Variants in CNOT6L observed in about 807,000 individuals in gnomAD.
CNOT6L encodes the protein CCR4-NOT transcription complex subunit 6 like.
In CNOT6L, 7 loss-of-function variants were observed where a neutral mutation model predicts 64.0. That is an observed-to-expected ratio of 0.11 (90% CI 0.06 to 0.21). The LOEUF (loss-of-function observed/expected upper bound fraction) is 0.21, where lower values mean the gene tolerates loss of function less well. Ranked by LOEUF, CNOT6L falls within the 10% of genes least tolerant of loss-of-function variation. The pLI is 1.00. For missense variants in CNOT6L, 245 were observed against 669.0 expected, an observed-to-expected ratio of 0.37 and a Z score of 6.99; for synonymous variants, 193 against 243.4, an observed-to-expected ratio of 0.79 and a Z score of 1.93.
intron 1 of CNOT6L, among the ~76,000 whole-genome samples, chr4:77,798,959 A>G (rs1731189871): frequency 6.6e-6 from 1 of 152,158 alleles, no homozygotes; most frequent in Non-Finnish European, 1.5e-5. Context: ...AGCCTGAGTG[A>G]AGGAGCAAGA....
intron 5 of CNOT6L, among the ~76,000 whole-genome samples, chr4:77,751,532 A>C (rs905238896): frequency 2.0e-5 from 3 of 152,238 alleles, no homozygotes; most frequent in South Asian, 2.1e-4. Context: ...ACTTACACCT[A>C]ACAAATTTAA....
Position 77,781,657 on chromosome 4 carries a change from G to A in CNOT6L, c.6-5265C>T, listed in dbSNP as rs74408185. ...TGAAAAAACAAGCTGGCCAAATCAG[G>A]GCAAACTGGTAAAAGCTAGAACTAA... is the stretch of plus-strand genomic sequence containing the variant. On this transcript the variant is annotated intron_variant, in intron 1 of 11. Transcript: ENST00000504123. 3.9e-5 allele frequency among the ~76,000 whole-genome samples: 6 copies of A among 152,070 alleles called. No homozygotes were observed. The East Asian group carries it at 1.2e-3, about 29-fold the overall frequency.
chr4:77,756,100 CA>C (rs1725549250), intron 5 of CNOT6L, among the ~76,000 whole-genome samples: 1 of 152,164 alleles, frequency 6.6e-6, no homozygotes, highest in African/African-American at 2.4e-5. Context: ...TCTCCTGTCT[CA>C]GCCTCCAGAG....
chr4:77,819,384 C>A, upstream of CNOT6L: 8 of 1,609,600 alleles, frequency 5.0e-6, no homozygotes, highest in Non-Finnish European at 6.8e-6. Flanking sequence ...CACGCGCGCG[C>A]GCGCGCACCA....
Position 77,731,407 on chromosome 4 carries a change from T to C in CNOT6L, c.1004A>G (p.His335Arg), listed in dbSNP as rs748608857. The change falls in exon 9 of 12, where the codon CAC becomes CGC. Residue 335 changes from histidine (H) to arginine (R), a missense_variant. By Grantham distance (29) the His-to-Arg change is conservative (BLOSUM62 0). Coordinates refer to ENST00000504123, the MANE Select transcript of CNOT6L (RefSeq NM_144571.3). Reference protein sequence around the residue: ...NIGVAVVLEVHKELFGAGMKP... With the variant: ...NIGVAVVLEVRKELFGAGMKP... ...CTCACCTGCTCCAAATAGTTCTTTGTGGACCTCTAATACCACAGCGACACC... is the reference window on the plus strand; with the variant it reads ...CTCACCTGCTCCAAATAGTTCTTTGCGGACCTCTAATACCACAGCGACACC... 22 of 1,612,228 alleles carry C rather than the reference T, an allele frequency of 1.4e-5. No individual in the cohort carries two copies. Among genetic ancestry groups the C allele is most frequent in the Non-Finnish European group, 1.9e-5 (22 of 1,179,416 alleles).
rs773801407 is a variant in CNOT6L, at chr4:77,773,068, A to AAAAATCACTTACCTTTCTTG, written c.400+12_400+13insCAAGAAAGGTAAGTGATTTT. ...GGCTCAGAATACCTCAAAACTGTTT[A>AAAAATCACTTACCTTTCTTG]AAAATCACTTACCTTTCAAACCTAG... On this transcript the variant is annotated intron_variant, in intron 4 of 11. Transcript: ENST00000504123. The AAAAATCACTTACCTTTCTTG allele has an allele frequency of 2.2e-4, 342 of 1,571,796 alleles. No individual in the cohort carries two copies. Among genetic ancestry groups the AAAAATCACTTACCTTTCTTG allele is most frequent in the Non-Finnish European group, 2.8e-4 (326 of 1,153,952 alleles).
chr4:77,740,327 G>A lies in CNOT6L; in HGVS notation c.872+1814C>T, dbSNP rs557364615. Among the ~76,000 whole-genome samples the A allele has an allele frequency of 5.9e-5, 9 of 152,136 alleles. No individual in the cohort carries two copies. The East Asian group carries it at 7.7e-4, about 13-fold the overall frequency. ...GTTGAGGCTGCAGTGAGCCATGATC[G>A]CCACTGCACTCCAGCCTGGGTGACA... On this transcript the variant is annotated intron_variant, in intron 8 of 11. Coordinates refer to ENST00000504123, the MANE Select transcript of CNOT6L (RefSeq NM_144571.3).
At chr4:77,786,742 G>T (rs1415756372) in intron 1 of CNOT6L, among the ~76,000 whole-genome samples, 1 of 151,898 alleles carries the variant, frequency 6.6e-6, no homozygotes, top group Non-Finnish European at 1.5e-5. Flanking sequence ...CTCCCAAAGT[G>T]CTGTGATTAC....
Position 77,714,631 on chromosome 4 carries a change from T to C in CNOT6L, c.*5800A>G, listed in dbSNP as rs892743491. 3 of 152,522 alleles carry C rather than the reference T, an allele frequency of 2.0e-5. No homozygotes were observed. The highest frequency in any genetic ancestry group is 4.4e-5 in the Non-Finnish European group (3 of 68,008). 9.4% of individuals were successfully genotyped at this position (152,522 alleles called of 1,614,324 possible). A position where few individuals can be genotyped will look rare whatever the true frequency, so the allele number is the denominator to read the frequency against. ...TGGACAACAACTGTACGAATGCCCATAGTGCACATCTCAGTGCTGCTGGTG... is the reference window on the plus strand; with the variant it reads ...TGGACAACAACTGTACGAATGCCCACAGTGCACATCTCAGTGCTGCTGGTG... On this transcript the variant is annotated 3_prime_UTR_variant, in exon 12 of 12. Coordinates refer to ENST00000504123, the MANE Select transcript of CNOT6L (RefSeq NM_144571.3).
rs993857076 is a variant in CNOT6L, at chr4:77,727,121, A to T, written c.1253-752T>A. 1.8e-4 allele frequency among the ~76,000 whole-genome samples: 28 copies of T among 152,350 alleles called. 2 individuals carry two copies. In the South Asian group the frequency reaches 1.9e-3, roughly 10 times the overall value. On this transcript the variant is annotated intron_variant, in intron 10 of 11. Coordinates refer to ENST00000504123, the MANE Select transcript of CNOT6L (RefSeq NM_144571.3). ...TAGTAAGATATAATGAATGTGTGAT[A>T]AGCACAATATCAGTATTGTAAATAG...
At chr4:77,819,049 G>GACACACAGACACACACACACACACACAC in intron 1 of CNOT6L, 2 of 522,720 alleles carry the variant, frequency 3.8e-6, no homozygotes, top group Non-Finnish European at 6.7e-6. Context: ...GGCCACCCCC[G>GACACACAGACACACACACACACACACAC]ACACACACAC....
Position 77,718,700 on chromosome 4 carries a change from C to G in CNOT6L, c.*1731G>C, listed in dbSNP as rs1219502422. 1 of 152,468 alleles carries G rather than the reference C, an allele frequency of 6.6e-6. No homozygotes were observed. The highest frequency in any genetic ancestry group is 1.9e-4 in the East Asian group (1 of 5,194). The allele number at this position is 152,468 out of a possible 1,614,324, so 9.4% of individuals were successfully genotyped here. Reference sequence around the variant, plus strand: ...CACCACCCTCGTCCCACTAAAATTACCCTCTGGGGAAATATTACCTTATAT... The same window carrying G: ...CACCACCCTCGTCCCACTAAAATTAGCCTCTGGGGAAATATTACCTTATAT... On this transcript the variant is annotated 3_prime_UTR_variant, in exon 12 of 12. Transcript: ENST00000504123.
chr4:77,793,084 T>A (rs1273134388), intron 1 of CNOT6L, among the ~76,000 whole-genome samples: 1 of 151,852 alleles, frequency 6.6e-6, no homozygotes, highest in African/African-American at 2.4e-5. Context: ...TGCACAAATA[T>A]GACCTAAGCA....
At chr4:77,818,544 G>C (rs535741578) in intron 1 of CNOT6L, among the ~76,000 whole-genome samples, 113 of 152,264 alleles carry the variant, frequency 7.4e-4, no homozygotes, top group Middle Eastern at 3.4e-3. Flanking sequence ...AGGATGAAAA[G>C]AAGGGAACAC....
At chr4:77,797,102 CAAAAA>C (rs386400560) in intron 1 of CNOT6L, among the ~76,000 whole-genome samples, 2 of 52,984 alleles carry the variant, frequency 3.8e-5, no homozygotes, top group Non-Finnish European at 6.2e-5. Context: ...GACCTTGTCT[CAAAAA>C]AAAAAAAAAA....
At chr4:77,729,628 A>G (rs1296842639) in intron 9 of CNOT6L, among the ~76,000 whole-genome samples, 1 of 152,182 alleles carries the variant, frequency 6.6e-6, no homozygotes, top group South Asian at 2.1e-4. Flanking sequence ...GTGTGCTATA[A>G]AAGTCTGGAC....
At chr4:77,791,463 G>A in intron 1 of CNOT6L, among the ~76,000 whole-genome samples, 1 of 151,896 alleles carries the variant, frequency 6.6e-6, no homozygotes, top group Middle Eastern at 3.2e-3. Flanking sequence ...CTGCCAAGTA[G>A]AGGAAGTAGT....
At chr4:77,813,637 C>T (rs1036598881) in intron 1 of CNOT6L, among the ~76,000 whole-genome samples, 1 of 152,086 alleles carries the variant, frequency 6.6e-6, no homozygotes, top group Non-Finnish European at 1.5e-5. Context: ...AGAGGATATA[C>T]AAATGTCCAA....
intron 2 of CNOT6L, 52 bp from the exon 3 acceptor site, chr4:77,774,768 A>C: frequency 1.1e-5 from 13 of 1,165,264 alleles, no homozygotes; most frequent in African/African-American, 1.6e-5. Context: ...CCAAGATGAC[A>C]CCTAAACTAC....
Sources: allele counts gnomAD v4.1 joint callset (sites outside exome capture counted in the v4.1 genomes callset), GRCh38; gene constraint gnomAD v4.1.1; transcripts MANE v1.5; gene names NCBI Gene and HGNC (gene_info 2026-07-23, HGNC 2026-07-21).